Variants in MAP4K4 observed in about 807,000 individuals in gnomAD.
MAP4K4 encodes HPK/GCK-like kinase HGK.
Under a neutral mutation model 189.6 loss-of-function variants are expected in MAP4K4, and 38 were observed. The ratio of observed to expected loss-of-function variants is 0.20; its 90% CI spans 0.15 to 0.26. The LOEUF is 0.26. MAP4K4 is among the 10% of genes least tolerant of loss of function. The pLI, the probability that MAP4K4 is intolerant of heterozygous loss-of-function variation, is 1.00. For missense variants in MAP4K4, 1,054 were observed against 1,726.9 expected (o/e 0.61, Z 6.91); for synonymous variants, 610 against 624.3 (o/e 0.98, Z 0.34).
intron 13 of MAP4K4, 114 bp downstream of exon 13, chr2:101,856,252 T>G (rs2097453068): frequency 4.3e-6 from 4 of 920,294 alleles, no homozygotes; most frequent in Admixed American, 3.0e-5. Context: ...TGTACACACA[T>G]ACACATATAC....
At chr2:101,840,862 T>A (rs1015201549) in intron 10 of MAP4K4, among the ~76,000 whole-genome samples, 8 of 152,238 alleles carry the variant, frequency 5.3e-5, no homozygotes, top group Non-Finnish European at 1.2e-4. Context: ...AAGTCATCAT[T>A]GATGTTCAGA....
intron 3 of MAP4K4, among the ~76,000 whole-genome samples, chr2:101,793,774 C>T (rs1350411104): frequency 6.6e-6 from 1 of 152,080 alleles, no homozygotes; most frequent in Non-Finnish European, 1.5e-5. Flanking sequence ...CTGCTCTTCT[C>T]CCGAGCTGTC....
intron 2 of MAP4K4, among the ~76,000 whole-genome samples, chr2:101,722,893 A>G (rs1332428489): frequency 6.6e-6 from 1 of 152,226 alleles, no homozygotes; most frequent in Admixed American, 6.5e-5. Flanking sequence ...CAGCATCTGT[A>G]TTAGTCCATT....
intron 22 of MAP4K4, chr2:101,870,041 C>T (rs1189889390): frequency 1.6e-6 from 1 of 627,378 alleles, no homozygotes; most frequent in African/African-American, 1.9e-5. Flanking sequence ...GATATATGAT[C>T]CAGGGGAAAT....
chr2:101,712,979 C>G (rs575358248), intron 2 of MAP4K4, among the ~76,000 whole-genome samples: 167 of 150,816 alleles, frequency 1.1e-3, no homozygotes, highest in African/African-American at 3.9e-3. Context: ...TCTTGGCTCA[C>G]TGCAACCTCC....
At chr2:101,870,341 A>G (rs779537824) in exon 23 of MAP4K4, 4 of 1,613,546 alleles carry the variant, frequency 2.5e-6, no homozygotes, top group African/African-American at 1.3e-5. Flanking sequence ...TGTGAAAACC[A>G]TGATTGTCCA....
intron 5 of MAP4K4, among the ~76,000 whole-genome samples, chr2:101,828,346 T>G (rs2096455495): frequency 6.6e-6 from 1 of 152,240 alleles, no homozygotes; most frequent in South Asian, 2.1e-4. Flanking sequence ...CTCCTTTCGC[T>G]GTTTGAAGTT....
intron 3 of MAP4K4, among the ~76,000 whole-genome samples, chr2:101,791,387 C>T (rs2092859645): frequency 6.6e-6 from 1 of 151,566 alleles, no homozygotes; most frequent in South Asian, 2.1e-4. Flanking sequence ...TGTATGTGTG[C>T]CTGTGTGTGT....
chr2:101,736,060 T>C (rs2060160548), intron 2 of MAP4K4, among the ~76,000 whole-genome samples: 1 of 152,198 alleles, frequency 6.6e-6, no homozygotes, highest in Non-Finnish European at 1.5e-5. Flanking sequence ...ACATCAAATA[T>C]TTTGAATGTT....
chr2:101,804,812 T>C (rs1261789299), intron 3 of MAP4K4, among the ~76,000 whole-genome samples: 1 of 152,120 alleles, frequency 6.6e-6, no homozygotes, highest in Non-Finnish European at 1.5e-5. Context: ...CCGGGTGCGG[T>C]GGCTTACGCC....
chr2:101,859,344 A>G (rs771407020), intron 14 of MAP4K4, among the ~76,000 whole-genome samples: 2 of 152,220 alleles, frequency 1.3e-5, no homozygotes, highest in Non-Finnish European at 2.9e-5. Context: ...TGAACACACT[A>G]GAATGCTGAG....
intron 3 of MAP4K4, among the ~76,000 whole-genome samples, chr2:101,793,263 G>A (rs2093231699): frequency 6.6e-6 from 1 of 152,172 alleles, no homozygotes; most frequent in African/African-American, 2.4e-5. Context: ...TGTTTCTTGT[G>A]TGCTGTTTTC....
chr2:101,740,785 G>C (rs2062392989), intron 2 of MAP4K4, among the ~76,000 whole-genome samples: 2 of 152,074 alleles, frequency 1.3e-5, no homozygotes, highest in Admixed American at 6.6e-5. Context: ...CTTATTTTTA[G>C]AGTAAGGGAA....
At chr2:101,785,682 C>CTTTTCATTTTT (rs1558913111) in intron 2 of MAP4K4, among the ~76,000 whole-genome samples, 1 of 1,052 alleles carries the variant, frequency 9.5e-4, no homozygotes, top group African/African-American at 5.4e-3. Flanking sequence ...TTCTCCCTCT[C>CTTTTCATTTTT]TCTCTCTCTC....
At chr2:101,716,419 G>A (rs1250724194) in intron 2 of MAP4K4, among the ~76,000 whole-genome samples, 1 of 151,946 alleles carries the variant, frequency 6.6e-6, no homozygotes, top group Non-Finnish European at 1.5e-5. Flanking sequence ...CTCCAGCCTG[G>A]GCGACAGAGC....
At chr2:101,838,338 C>T (rs957138556) in intron 9 of MAP4K4, among the ~76,000 whole-genome samples, 1 of 152,198 alleles carries the variant, frequency 6.6e-6, no homozygotes, top group African/African-American at 2.4e-5. Flanking sequence ...TTTCACTGTA[C>T]TGTGTAGAAT....
At chr2:101,871,471 A>G in intron 23 of MAP4K4, 23 bp from the exon 24 acceptor site, 1 of 1,519,272 alleles carries the variant, frequency 6.6e-7, no homozygotes, top group South Asian at 1.2e-5. Flanking sequence ...TGAGCGAGAC[A>G]AGTGTGCCTG....
At chr2:101,886,029 T>C (rs2150290440) in intron 29 of MAP4K4, among the ~76,000 whole-genome samples, 1 of 152,332 alleles carries the variant, frequency 6.6e-6, no homozygotes, top group East Asian at 1.9e-4. Context: ...GCAAAATTTG[T>C]GTTTTTGGAT....
intron 3 of MAP4K4, among the ~76,000 whole-genome samples, chr2:101,804,230 A>G (rs1448662599): frequency 6.6e-6 from 1 of 152,216 alleles, no homozygotes. Flanking sequence ...CCTGCTCCCA[A>G]GCTTGCAGAT....
Sources: allele counts gnomAD v4.1 joint callset (sites outside exome capture counted in the v4.1 genomes callset), GRCh38; gene constraint gnomAD v4.1.1; transcripts MANE v1.5; gene names NCBI Gene and HGNC (gene_info 2026-07-23, HGNC 2026-07-21).